The following FHIT variants were observed in gnomAD, a reference collection of about 807,000 sequenced individuals.
FHIT encodes the protein fragile histidine triad diadenosine triphosphatase, also known as bis(5'-adenosyl)-triphosphatase.
A neutral mutation model predicts 17.9 loss-of-function variants in FHIT; 19 were observed. That is an observed-to-expected ratio of 1.06 (90% CI 0.74 to 1.56). The LOEUF (loss-of-function observed/expected upper bound fraction) is 1.56, where lower values mean the gene tolerates loss of function less well. Among genes scored for constraint, FHIT ranks in the 40% most tolerant of loss-of-function variants. The pLI is 0.00. For synonymous variants in FHIT, 81 were observed against 69.7 expected (o/e 1.16, Z -0.81); for missense variants, 248 against 189.2 (o/e 1.31, Z -1.82).
At chr3:60,643,512 G>C (rs1179468824) in intron 4 of FHIT, among the ~76,000 whole-genome samples, 1 of 152,142 alleles carries the variant, frequency 6.6e-6, no homozygotes, top group Admixed American at 6.6e-5. Context: ...CTACGAGGCA[G>C]AGTGATCTTA....
At chr3:60,702,401 T>C (rs998228055) in intron 4 of FHIT, among the ~76,000 whole-genome samples, 8 of 152,074 alleles carry the variant, frequency 5.3e-5, no homozygotes, top group Admixed American at 1.3e-4. Context: ...TAAAAACTAT[T>C]AGGGAATATG....
intron 4 of FHIT, among the ~76,000 whole-genome samples, chr3:60,800,620 G>A (rs73836145): frequency 0.062 from 9,387 of 152,252 alleles, 348 homozygotes; most frequent in Non-Finnish European, 0.069. Context: ...ACTCTGAAAT[G>A]GGTACGCTTG....
chr3:60,498,434 C>T (rs73101811), intron 5 of FHIT, among the ~76,000 whole-genome samples: 5,838 of 152,174 alleles, frequency 0.038, 170 homozygotes, highest in Non-Finnish European at 0.059. Flanking sequence ...ATTAATGATT[C>T]CTTATAAGAA....
chr3:60,649,202 T>C (rs547899241), intron 4 of FHIT, among the ~76,000 whole-genome samples: 1 of 151,940 alleles, frequency 6.6e-6, no homozygotes, highest in Non-Finnish European at 1.5e-5. Context: ...TCGAGACCAT[T>C]CTGGCTAACA....
At chr3:60,781,981 G>T (rs1025949250) in intron 4 of FHIT, among the ~76,000 whole-genome samples, 6 of 151,986 alleles carry the variant, frequency 3.9e-5, no homozygotes, top group Non-Finnish European at 1.5e-5. Context: ...TCTCCTAACT[G>T]AATCATTGTA....
At chr3:60,232,043 C>A (rs1353489017) in intron 5 of FHIT, among the ~76,000 whole-genome samples, 2 of 152,124 alleles carry the variant, frequency 1.3e-5, no homozygotes, top group African/African-American at 4.8e-5. Flanking sequence ...ACAGATGTCA[C>A]ACCAACTCAA....
At chr3:60,257,850 C>T (rs73099449) in intron 5 of FHIT, among the ~76,000 whole-genome samples, 25,102 of 151,938 alleles carry the variant, frequency 0.17, 2,370 homozygotes, top group Middle Eastern at 0.29. Flanking sequence ...ATTATGAGAA[C>T]AAATAGACAC....
At chr3:60,262,597 A>G (rs921225340) in intron 5 of FHIT, among the ~76,000 whole-genome samples, 4 of 152,008 alleles carry the variant, frequency 2.6e-5, no homozygotes, top group East Asian at 3.9e-4. Flanking sequence ...AAGGCCAGAA[A>G]GAGACCCAAC....
intron 3 of FHIT, among the ~76,000 whole-genome samples, chr3:60,840,319 T>C (rs1222344570): frequency 6.6e-6 from 1 of 152,222 alleles, no homozygotes; most frequent in Non-Finnish European, 1.5e-5. Flanking sequence ...ATGATGTATC[T>C]TTTGTTTTTT....
intron 8 of FHIT, among the ~76,000 whole-genome samples, chr3:59,820,905 T>A (rs1214047607): frequency 6.6e-6 from 1 of 152,192 alleles, no homozygotes; most frequent in African/African-American, 2.4e-5. Context: ...AGTTACCAGT[T>A]TCATATTTCC....
intron 4 of FHIT, among the ~76,000 whole-genome samples, chr3:60,702,628 CTG>C (rs1287209787): frequency 1.3e-5 from 2 of 151,906 alleles, no homozygotes; most frequent in African/African-American, 4.8e-5. Flanking sequence ...TTCTTAGTAA[CTG>C]TGTAACAGTC....
chr3:59,871,454 C>A (rs1702921439), intron 8 of FHIT, among the ~76,000 whole-genome samples: 2 of 152,070 alleles, frequency 1.3e-5, no homozygotes, highest in Admixed American at 6.5e-5. Flanking sequence ...ACCCACCCCC[C>A]CACACACGCA....
intron 2 of FHIT, among the ~76,000 whole-genome samples, chr3:61,196,359 A>C (rs1369473364): frequency 2.0e-5 from 3 of 152,334 alleles, no homozygotes; most frequent in African/African-American, 7.2e-5. Flanking sequence ...AATGCATATA[A>C]GTACAATATG....
At chr3:59,955,700 C>T (rs1707358519) in intron 7 of FHIT, among the ~76,000 whole-genome samples, 1 of 152,176 alleles carries the variant, frequency 6.6e-6, no homozygotes, top group Admixed American at 6.5e-5. Context: ...TCAACCATGA[C>T]TTAAGCCAGA....
At chr3:60,450,866 G>A (rs574554258) in intron 5 of FHIT, among the ~76,000 whole-genome samples, 42 of 152,224 alleles carry the variant, frequency 2.8e-4, no homozygotes, top group East Asian at 1.4e-3. Context: ...TAGTGACTTC[G>A]AATTATTTAA....
chr3:60,440,412 C>T (rs1172312206), intron 5 of FHIT, among the ~76,000 whole-genome samples: 2 of 152,062 alleles, frequency 1.3e-5, no homozygotes, highest in Non-Finnish European at 2.9e-5. Flanking sequence ...GAATTGTAGG[C>T]ATGTCAAATA....
chr3:59,850,424 C>T (rs1701887287), intron 8 of FHIT, among the ~76,000 whole-genome samples: 1 of 152,104 alleles, frequency 6.6e-6, no homozygotes, highest in Non-Finnish European at 1.5e-5. Flanking sequence ...GGCACTGCCT[C>T]ATTAAAATGA....
At chr3:61,044,889 A>T (rs1401316951) in intron 2 of FHIT, among the ~76,000 whole-genome samples, 2 of 152,212 alleles carry the variant, frequency 1.3e-5, no homozygotes, top group Non-Finnish European at 2.9e-5. Flanking sequence ...ACTAATCTTC[A>T]CAAGTGAAGG....
chr3:60,146,861 GAAAAT>G (rs1700264858), intron 5 of FHIT, among the ~76,000 whole-genome samples: 1 of 152,086 alleles, frequency 6.6e-6, no homozygotes. Flanking sequence ...TAAGATCCAA[GAAAAT>G]AAAATGTGTT....
Sources: gnomAD v4.1 joint callset for allele counts (sites outside exome capture counted in the v4.1 genomes callset) on GRCh38, gnomAD v4.1.1 for gene constraint, MANE v1.5 for transcripts, NCBI Gene and HGNC (gene_info 2026-07-23, HGNC 2026-07-21) for gene names.